Variants in CEP128 observed in about 807,000 individuals in gnomAD.
The protein encoded by CEP128 is centrosomal protein 128kDa.
CEP128 carries 132 observed loss-of-function variants against 156.7 expected under a neutral mutation model. That is an observed-to-expected ratio of 0.84 (90% confidence interval 0.73 to 0.97). CEP128 has a LOEUF of 0.97. Ranked by LOEUF, CEP128 falls within the 50% of genes least tolerant of loss-of-function variation. The probability of loss-of-function intolerance (pLI) is 0.00; values close to 1 mark genes in which losing one functional copy is unlikely to be tolerated. For missense variants in CEP128, 1,252 were observed against 1,281.9 expected, an observed-to-expected ratio of 0.98 and a Z score of 0.36; for synonymous variants, 469 against 448.9, an observed-to-expected ratio of 1.04 and a Z score of -0.57.
chr14:80,940,513 A>T (rs748528935), intron 1 of CEP128, among the ~76,000 whole-genome samples: 338 of 149,056 alleles, frequency 2.3e-3, no homozygotes, highest in Non-Finnish European at 3.7e-3. Flanking sequence ...GACTTAAAAT[A>T]TTTTTTTTTT....
At chr14:80,635,192 G>A (rs774798333) in intron 19 of CEP128, among the ~76,000 whole-genome samples, 2 of 152,012 alleles carry the variant, frequency 1.3e-5, no homozygotes, top group Admixed American at 6.6e-5. Flanking sequence ...GATCACTTCC[G>A]CAATCTGTCC....
At chr14:80,737,508 A>G (rs915596547) in intron 19 of CEP128, among the ~76,000 whole-genome samples, 2 of 152,202 alleles carry the variant, frequency 1.3e-5, no homozygotes, top group Non-Finnish European at 2.9e-5. Flanking sequence ...TTCTCAATTT[A>G]TCAATTAAAA....
intron 23 of CEP128, among the ~76,000 whole-genome samples, chr14:80,524,390 T>C (rs1203221316): frequency 6.6e-6 from 1 of 152,168 alleles, no homozygotes; most frequent in Non-Finnish European, 1.5e-5. Context: ...AAGGGGCACA[T>C]TCTCTCTTGA....
chr14:80,487,335 A>G (rs1025646502), downstream of CEP128, among the ~76,000 whole-genome samples: 4 of 152,216 alleles, frequency 2.6e-5, no homozygotes, highest in African/African-American at 9.7e-5. Context: ...ACTATCCTAA[A>G]TATATATGCA....
chr14:80,776,211 C>T (rs1234517471), intron 16 of CEP128, among the ~76,000 whole-genome samples: 1 of 152,120 alleles, frequency 6.6e-6, no homozygotes, highest in Non-Finnish European at 1.5e-5. Context: ...TTAATGCAAT[C>T]TTCTGGCTAA....
At chr14:80,616,533 T>C (rs1893219806) in intron 19 of CEP128, among the ~76,000 whole-genome samples, 1 of 47,664 alleles carries the variant, frequency 2.1e-5, no homozygotes. Flanking sequence ...ACTGTTTTTT[T>C]TGATATGTGA....
chr14:80,936,959 T>A (rs548874949), intron 2 of CEP128, among the ~76,000 whole-genome samples: 1 of 150,308 alleles, frequency 6.7e-6, no homozygotes, highest in Admixed American at 6.6e-5. Flanking sequence ...CCACAAAAAT[T>A]AAAAATTTAA....
chr14:80,582,198 G>T (rs905442855), intron 19 of CEP128, among the ~76,000 whole-genome samples: 1 of 152,282 alleles, frequency 6.6e-6, no homozygotes, highest in East Asian at 1.9e-4. Context: ...GACTGAGATG[G>T]GAGCCCAACT....
chr14:80,646,407 G>A (rs978778188), intron 19 of CEP128, among the ~76,000 whole-genome samples: 1 of 151,468 alleles, frequency 6.6e-6, no homozygotes, highest in East Asian at 1.9e-4. Context: ...GAAAATGTAT[G>A]CTAGGGAAAT....
At chr14:80,716,396 A>G (rs1231829953) in intron 19 of CEP128, among the ~76,000 whole-genome samples, 6 of 152,190 alleles carry the variant, frequency 3.9e-5, no homozygotes, top group African/African-American at 1.4e-4. Flanking sequence ...TATTTATTTC[A>G]TCTACCAGCC....
chr14:80,619,766 T>TA (rs1463508214), intron 19 of CEP128, among the ~76,000 whole-genome samples: 2 of 144,370 alleles, frequency 1.4e-5, no homozygotes, highest in African/African-American at 2.6e-5. Flanking sequence ...CTTCTGGAAA[T>TA]AAAAAATAAT....
chr14:80,673,245 T>C (rs966225117), intron 19 of CEP128, among the ~76,000 whole-genome samples: 2 of 152,156 alleles, frequency 1.3e-5, no homozygotes, highest in South Asian at 4.1e-4. Flanking sequence ...GCGGTATTTG[T>C]TTGCACTATT....
chr14:80,587,243 C>T (rs576551271), intron 19 of CEP128, among the ~76,000 whole-genome samples: 3 of 152,104 alleles, frequency 2.0e-5, no homozygotes, highest in East Asian at 1.9e-4. Context: ...CTGGATATAC[C>T]GCAATGAGTT....
At chr14:80,528,558 G>C (rs940012389) in intron 22 of CEP128, among the ~76,000 whole-genome samples, 22 of 152,194 alleles carry the variant, frequency 1.4e-4, no homozygotes, top group African/African-American at 5.1e-4. Context: ...AAAGTGCTGA[G>C]ATTACAGGCG....
At chr14:80,633,814 T>A (rs2619671) in intron 19 of CEP128, among the ~76,000 whole-genome samples, 1 of 152,126 alleles carries the variant, frequency 6.6e-6, no homozygotes, top group East Asian at 1.9e-4. Context: ...TTAAAATAAA[T>A]GTGTGCCCAT....
chr14:80,540,404 T>A (rs1358861478), intron 21 of CEP128, among the ~76,000 whole-genome samples: 1 of 152,084 alleles, frequency 6.6e-6, no homozygotes. Flanking sequence ...GTTCCCCCAG[T>A]AAGGATAAAC....
chr14:80,739,300 T>C (rs10498550), intron 19 of CEP128, among the ~76,000 whole-genome samples: 9,019 of 152,208 alleles, frequency 0.059, 290 homozygotes, highest in Middle Eastern at 0.1. Context: ...ACTACAAAAA[T>C]TATTGTGATA....
At chr14:80,870,854 G>C (rs1887989917) in intron 8 of CEP128, among the ~76,000 whole-genome samples, 1 of 150,892 alleles carries the variant, frequency 6.6e-6, no homozygotes, top group South Asian at 2.1e-4. Context: ...GCCCTAAAGA[G>C]GCCCCTAAAA....
At chr14:80,480,558 C>T (rs144099646) in intron 14 of CEP128, among the ~76,000 whole-genome samples, 1 of 152,098 alleles carries the variant, frequency 6.6e-6, no homozygotes, top group Non-Finnish European at 1.5e-5. Flanking sequence ...CCTGGGCCTG[C>T]AGGCCTGTGA....
Sources: gnomAD v4.1 joint callset for allele counts (sites outside exome capture counted in the v4.1 genomes callset) on GRCh38, gnomAD v4.1.1 for gene constraint, MANE v1.5 for transcripts, NCBI Gene and HGNC (gene_info 2026-07-23, HGNC 2026-07-21) for gene names.